The following ABCG5 variants were observed in gnomAD, a reference collection of about 807,000 sequenced individuals.
The protein encoded by ABCG5 is ATP-binding cassette sub-family G member 5.
In ABCG5, 64 loss-of-function variants were observed where a neutral mutation model predicts 64.5. The ratio of observed to expected loss-of-function variants is 0.99; its 90% CI spans 0.81 to 1.22. ABCG5 has a LOEUF of 1.22. Among genes scored for constraint, ABCG5 ranks in the 50% most tolerant of loss-of-function variants. The pLI is 0.00. For synonymous variants in ABCG5, 385 were observed against 326.3 expected (o/e 1.18, Z -1.94); for missense variants, 908 against 829.5 (o/e 1.09, Z -1.16).
At chr2:43,828,288 G>T (rs1341856954) in intron 4 of ABCG5, 173 bp from the exon 5 acceptor site, 1 of 865,520 alleles carries the variant, frequency 1.2e-6, no homozygotes, top group Non-Finnish European at 1.8e-6. Context: ...GATCCAATTC[G>T]GCTTAAATCG....
rs144893516 is a variant in ABCG5, at chr2:43,824,058, A to G, written c.1179T>C (p.Asn393=). The change falls in exon 9 of 13, where the codon AAT becomes AAC. Residue 393 remains asparagine (N), a synonymous_variant. Coordinates refer to ENST00000405322, the MANE Select transcript of ABCG5 (RefSeq NM_022436.3). ...AAAGGAGGAACAAACCCATGATCAG[A>G]TTCTGAAGGAGACGCGTAATCACTG... is the stretch of plus-strand genomic sequence containing the variant. The part of the protein sequence containing the change: ...KLAVITRLLQ[N]LIMGLFLLFF... 3.7e-5 allele frequency: 60 copies of G among 1,614,210 alleles called. No homozygotes were observed. Among genetic ancestry groups the G allele is most frequent in the Non-Finnish European group, 4.8e-5 (57 of 1,180,030 alleles).
downstream of ABCG5, chr2:43,810,312 A>G: frequency 1.0e-6 from 1 of 968,772 alleles, no homozygotes; most frequent in Non-Finnish European, 1.2e-6. Flanking sequence ...GGGCATTTTT[A>G]ATCAGCACCA....
chr2:43,836,424 T>G (rs1668270849), intron 2 of ABCG5, among the ~76,000 whole-genome samples: 1 of 152,184 alleles, frequency 6.6e-6, no homozygotes, highest in African/African-American at 2.4e-5. Context: ...TGGCAGTGAA[T>G]GTCAACAATT....
In ABCG5 at chr2:43,824,202, A is replaced by G. The variant is rs183257361; in HGVS notation, c.1118+17T>C. 67 of 1,614,156 alleles carry G rather than the reference A, an allele frequency of 4.2e-5. No individual in the cohort carries two copies. The African/African-American group carries it at 8.0e-4, about 19-fold the overall frequency. ...AAGACCTCTAACAGGCATTTCTCAC[A>G]TTTGTGAGCCTCTTACCTCAGGAGA... On this transcript the variant is annotated intron_variant, in intron 8 of 12. Coordinates refer to ENST00000405322, the MANE Select transcript of ABCG5 (RefSeq NM_022436.3).
intron 4 of ABCG5, 50 bp downstream of exon 4, chr2:43,831,719 G>T: frequency 2.7e-6 from 4 of 1,497,026 alleles, no homozygotes; most frequent in Non-Finnish European, 3.6e-6. Context: ...GGGCAGCGGG[G>T]GGTGCAAAGG....
intron 5 of ABCG5, among the ~76,000 whole-genome samples, chr2:43,827,479 G>A (rs1057262457): frequency 6.6e-6 from 1 of 152,186 alleles, no homozygotes; most frequent in African/African-American, 2.4e-5. Flanking sequence ...CTGCATGAGT[G>A]GCGAGGTTTC....
intron 12 of ABCG5, among the ~76,000 whole-genome samples, chr2:43,813,744 G>A (rs544866366): frequency 1.1e-5 from 1 of 89,866 alleles, no homozygotes; most frequent in South Asian, 4.0e-4. Context: ...TTGAGACACA[G>A]TTTCACTCTG....
chr2:43,829,200 C>A (rs1306962518), intron 4 of ABCG5, among the ~76,000 whole-genome samples: 1 of 152,108 alleles, frequency 6.6e-6, no homozygotes. Context: ...ATCATAAATG[C>A]TTTATGTGTT....
chr2:43,812,411 A>G (rs1170915295), downstream of ABCG5: 1 of 151,728 alleles, frequency 6.6e-6, no homozygotes, highest in Non-Finnish European at 1.5e-5. Context: ...CTCAGCTGAA[A>G]GTGAAAAATA....
chr2:43,815,648 G>A (rs138958276), intron 11 of ABCG5, among the ~76,000 whole-genome samples: 4,360 of 152,246 alleles, frequency 0.029, 88 homozygotes, highest in Non-Finnish European at 0.044. Context: ...TTCTAGGAAG[G>A]CAGAAATGGT....
chr2:43,813,379 A>C, intron 12 of ABCG5, 70 bp from the exon 13 acceptor site: 1 of 1,125,298 alleles, frequency 8.9e-7, no homozygotes, highest in South Asian at 1.3e-5. Flanking sequence ...AGTATTTACC[A>C]AGCGCTTGCT....
chr2:43,836,340 G>A (rs1160278181), intron 2 of ABCG5, among the ~76,000 whole-genome samples: 1 of 152,164 alleles, frequency 6.6e-6, no homozygotes, highest in African/African-American at 2.4e-5. Flanking sequence ...TAAGGAGGCT[G>A]ACCATGCCTA....
At chr2:43,821,556 A>G (rs930278641) in intron 10 of ABCG5, among the ~76,000 whole-genome samples, 6 of 152,050 alleles carry the variant, frequency 3.9e-5, no homozygotes, top group African/African-American at 1.4e-4. Flanking sequence ...CCCTTCTGCC[A>G]TTCTTTGCCT....
chr2:43,824,084 C>T lies in ABCG5; in HGVS notation c.1153G>A (p.Ala385Thr), dbSNP rs758492105. 12 of 1,614,222 alleles carry T rather than the reference C, an allele frequency of 7.4e-6. No homozygotes were observed. Among genetic ancestry groups the T allele is most frequent in the Non-Finnish European group, 6.8e-6 (8 of 1,180,040 alleles). The change falls in exon 9 of 13, where the codon GCA becomes ACA. Residue 385 changes from alanine (A) to threonine (T), a missense_variant. Transcript: ENST00000405322. ...VTRNLVRNKL[A>T]VITRLLQNLI... is the part of the protein sequence containing the mutation. The stretch of plus-strand genomic sequence containing the variant: ...TTCTGAAGGAGACGCGTAATCACTG[C>T]CAGCTTATTTCTCACCAAGTTTCTT...
At chr2:43,833,525 G>A (rs1293324017) in intron 2 of ABCG5, among the ~76,000 whole-genome samples, 1 of 151,530 alleles carries the variant, frequency 6.6e-6, no homozygotes, top group Non-Finnish European at 1.5e-5. Flanking sequence ...TGGGACTGCA[G>A]GCGCCGGCCA....
downstream of ABCG5, chr2:43,810,076 T>C: frequency 1.6e-6 from 1 of 625,450 alleles, no homozygotes; most frequent in Non-Finnish European, 2.0e-6. Context: ...TTTAGGAATA[T>C]AAAAGTAAGA....
chr2:43,811,608 T>G (rs1666482541), downstream of ABCG5, among the ~76,000 whole-genome samples: 1 of 152,128 alleles, frequency 6.6e-6, no homozygotes, highest in South Asian at 2.1e-4. Flanking sequence ...ACCTTTTTTT[T>G]TTTTTGAGAC....
chr2:43,823,898 C>T lies in ABCG5; in HGVS notation c.1324+15G>A, dbSNP rs1558741663. 2 of 1,612,844 alleles carry T rather than the reference C, an allele frequency of 1.2e-6. No homozygotes were observed. Among genetic ancestry groups the T allele is most frequent in the Non-Finnish European group, 1.7e-6 (2 of 1,179,056 alleles). ...TAGGGAGAAAGAGGTGCACCTCCAG[C>T]ACGTGGGCACTTACACAGATTCACA... On this transcript the variant is annotated intron_variant, in intron 9 of 12. Coordinates refer to ENST00000405322, the MANE Select transcript of ABCG5 (RefSeq NM_022436.3).
Position 43,828,042 on chromosome 2 carries a change from C to A in ABCG5, c.575G>T (p.Gly192Val), listed in dbSNP as rs757989274. 1.2e-6 allele frequency: 2 copies of A among 1,613,982 alleles called. No homozygotes were observed. Among genetic ancestry groups the A allele is most frequent in the Non-Finnish European group, 1.7e-6 (2 of 1,179,952 alleles). The part of the protein sequence containing the change: ...DRLIGNYSLG[G>V]ISTGERRRVS... ...CCGGCGCCGCTCACCCGTGGAAATG[C>A]CCCCCAAGCTGTAGTTGCCAATCAG... Residue 192 changes from glycine (G) to valine (V), a missense_variant, in exon 5 of 13, where the codon GGC becomes GTC. Coordinates refer to ENST00000405322, the MANE Select transcript of ABCG5 (RefSeq NM_022436.3).
Sources: gnomAD v4.1 joint callset for allele counts (sites outside exome capture counted in the v4.1 genomes callset) on GRCh38, gnomAD v4.1.1 for gene constraint, MANE v1.5 for transcripts, NCBI Gene and HGNC (gene_info 2026-07-23, HGNC 2026-07-21) for gene names.